Variants in SLCO1B3 observed in about 807,000 individuals in gnomAD.
SLCO1B3 encodes liver-specific organic anion transporter 2.
SLCO1B3 carries 72 observed loss-of-function variants against 71.8 expected under a neutral mutation model. The ratio of observed to expected loss-of-function variants is 1.00; its 90% CI spans 0.83 to 1.22. The LOEUF is 1.22. Ranked by LOEUF, SLCO1B3 falls within the 50% of genes most tolerant of loss-of-function variation. SLCO1B3 has a pLI of 0.00. For missense variants in SLCO1B3, 911 were observed against 819.7 expected, an observed-to-expected ratio of 1.11 and a Z score of -1.36; for synonymous variants, 298 against 278.4, an observed-to-expected ratio of 1.07 and a Z score of -0.70.
intron 15 of SLCO1B3, among the ~76,000 whole-genome samples, chr12:20,907,775 C>G (rs1363872201): frequency 6.6e-6 from 1 of 151,930 alleles, no homozygotes. Flanking sequence ...TCCCAATGTG[C>G]TGGGATTACA....
At chr12:20,902,041 CTATAAG>C (rs1467453822) in intron 15 of SLCO1B3, 1 of 316,642 alleles carries the variant, frequency 3.2e-6, no homozygotes, top group Non-Finnish European at 6.0e-6. Flanking sequence ...ATTTCTGAAA[CTATAAG>C]TATTAGAACT....
At chr12:20,880,799 T>C (rs1865675142) in intron 11 of SLCO1B3, 56 bp from the exon 12 acceptor site, 2 of 1,280,964 alleles carry the variant, frequency 1.6e-6, no homozygotes, top group African/African-American at 1.5e-5. Context: ...CCTCTTCTGC[T>C]CTTTCTCTAC....
chr12:20,858,679 C>G, intron 5 of SLCO1B3, 108 bp downstream of exon 5: 3 of 1,002,122 alleles, frequency 3.0e-6, no homozygotes, highest in Non-Finnish European at 1.5e-6. Flanking sequence ...AGAGGAATAC[C>G]TATAGGTATG....
intron 3 of SLCO1B3, among the ~76,000 whole-genome samples, chr12:20,819,494 T>C (rs1864252466): frequency 6.6e-6 from 1 of 152,096 alleles, no homozygotes; most frequent in South Asian, 2.1e-4. Flanking sequence ...GAAAGCATGT[T>C]TGAGATCCAG....
chr12:20,881,337 T>G (rs758124489), intron 12 of SLCO1B3, among the ~76,000 whole-genome samples: 4 of 152,216 alleles, frequency 2.6e-5, no homozygotes, highest in Non-Finnish European at 5.9e-5. Context: ...CTCATTTGAC[T>G]AAAGCACATG....
At chr12:20,884,312 C>T (rs1055067978) in intron 13 of SLCO1B3, among the ~76,000 whole-genome samples, 6 of 151,764 alleles carry the variant, frequency 4.0e-5, no homozygotes, top group African/African-American at 1.5e-4. Context: ...AAAAGACTGC[C>T]AATTAAAGGA....
rs111329045 is a variant in SLCO1B3, at chr12:20,825,096, T to A, written c.84+9274T>A. ...AACAAATCTATTAAATTTTAATCAT[T>A]TTGACCATAAGCTATAATTTCCATA... On this transcript the variant is annotated intron_variant, in intron 3 of 15. Coordinates refer to ENST00000381545, the MANE Select transcript of SLCO1B3 (RefSeq NM_019844.4). Among the ~76,000 whole-genome samples the A allele has an allele frequency of 4.6e-5, 7 of 152,308 alleles. 1 individual carries two copies. Among genetic ancestry groups the A allele is most frequent in the African/African-American group, 1.7e-4 (7 of 41,568 alleles).
At chr12:20,898,840 G>C (rs1866072276) in intron 14 of SLCO1B3, among the ~76,000 whole-genome samples, 1 of 152,142 alleles carries the variant, frequency 6.6e-6, no homozygotes. Context: ...CAGAGTGGAG[G>C]ACCTTCCTTC....
intron 3 of SLCO1B3, among the ~76,000 whole-genome samples, chr12:20,818,689 G>T: frequency 6.6e-6 from 1 of 152,178 alleles, no homozygotes; most frequent in East Asian, 1.9e-4. Flanking sequence ...TCTAAGAGGC[G>T]GGCTAGTGGC....
At chr12:20,890,109 G>T (rs1865874980) in intron 13 of SLCO1B3, among the ~76,000 whole-genome samples, 2 of 151,344 alleles carry the variant, frequency 1.3e-5, no homozygotes, top group Admixed American at 6.6e-5. Flanking sequence ...AATAGAGACG[G>T]GGTTTCACCA....
chr12:20,894,505 C>T (rs1011922941), intron 13 of SLCO1B3, among the ~76,000 whole-genome samples: 2 of 152,102 alleles, frequency 1.3e-5, no homozygotes, highest in Non-Finnish European at 2.9e-5. Flanking sequence ...CAAGTCCCCC[C>T]AAGTCTCCTG....
chr12:20,819,745 T>G (rs1216477351), intron 3 of SLCO1B3, among the ~76,000 whole-genome samples: 1 of 152,074 alleles, frequency 6.6e-6, no homozygotes, highest in Non-Finnish European at 1.5e-5. Flanking sequence ...AAGCATGCTG[T>G]AATGGGATAT....
intron 3 of SLCO1B3, among the ~76,000 whole-genome samples, chr12:20,819,510 A>C (rs1327528072): frequency 6.6e-6 from 1 of 152,140 alleles, no homozygotes; most frequent in Non-Finnish European, 1.5e-5. Context: ...TCCAGAACAG[A>C]ATAATGGATT....
At chr12:20,848,235 A>G (rs879692611) in intron 3 of SLCO1B3, among the ~76,000 whole-genome samples, 9 of 152,206 alleles carry the variant, frequency 5.9e-5, no homozygotes, top group Non-Finnish European at 1.3e-4. Context: ...ATATGAAAAC[A>G]TGTTCAACAT....
chr12:20,835,128 C>G (rs1280603473), intron 3 of SLCO1B3, among the ~76,000 whole-genome samples: 1 of 152,088 alleles, frequency 6.6e-6, no homozygotes, highest in Non-Finnish European at 1.5e-5. Context: ...GTACCTTGGC[C>G]CCTTTTAGCC....
At chr12:20,842,663 A>G (rs1864828288) in intron 3 of SLCO1B3, among the ~76,000 whole-genome samples, 1 of 152,158 alleles carries the variant, frequency 6.6e-6, no homozygotes, top group South Asian at 2.1e-4. Flanking sequence ...CGTTTATTGT[A>G]TTTTATATAG....
intron 15 of SLCO1B3, among the ~76,000 whole-genome samples, chr12:20,915,738 G>C (rs1866478460): frequency 6.6e-6 from 1 of 152,120 alleles, no homozygotes; most frequent in Non-Finnish European, 1.5e-5. Context: ...GAGATGGCTT[G>C]AGGGGGCTGG....
At chr12:20,872,615 G>T (rs552611560) in intron 8 of SLCO1B3, among the ~76,000 whole-genome samples, 301 of 152,016 alleles carry the variant, frequency 2.0e-3, no homozygotes, top group African/African-American at 7.0e-3. Flanking sequence ...ACCACTGCTG[G>T]TTATTTAGGG....
chr12:20,902,696 C>A (rs1866152548), intron 15 of SLCO1B3, among the ~76,000 whole-genome samples: 1 of 152,044 alleles, frequency 6.6e-6, no homozygotes, highest in African/African-American at 2.4e-5. Flanking sequence ...AGTTCAACAG[C>A]AAGGGGTAAA....
Sources: gnomAD v4.1 joint callset for allele counts (sites outside exome capture counted in the v4.1 genomes callset) on GRCh38, gnomAD v4.1.1 for gene constraint, MANE v1.5 for transcripts, NCBI Gene and HGNC (gene_info 2026-07-23, HGNC 2026-07-21) for gene names.